The following ETV6 variants were observed in gnomAD, a reference collection of about 807,000 sequenced individuals.
ETV6 encodes ETS variant transcription factor 6.
Under a neutral mutation model 51.1 loss-of-function variants are expected in ETV6, and 16 were observed. That is an observed-to-expected ratio of 0.31 (90% CI 0.21 to 0.48). The LOEUF is 0.48. ETV6 is among the 20% of genes least tolerant of loss of function. The pLI, the probability that ETV6 is intolerant of heterozygous loss-of-function variation, is 0.99. For missense variants in ETV6, 458 were observed against 594.8 expected (o/e 0.77, Z 2.39); for synonymous variants, 240 against 224.1 (o/e 1.07, Z -0.64).
rs562472158 is a variant in ETV6 at position 11,666,251 on chromosome 12, C to G, written c.33+16091C>G. Among the ~76,000 whole-genome samples the G allele has an allele frequency of 2.6e-5, 4 of 152,288 alleles. No individual in the cohort carries two copies. In the East Asian group the frequency reaches 7.7e-4, roughly 29 times the overall value. On this transcript the variant is annotated intron_variant, in intron 1 of 7. Coordinates refer to ENST00000396373, the MANE Select transcript of ETV6 (RefSeq NM_001987.5). Reference sequence around the variant, plus strand: ...CCTTTCCATGTCAAGGGAAGAATCCCTCTCTTACTTGAGTCAGCTCTTTCC... The same window carrying G: ...CCTTTCCATGTCAAGGGAAGAATCCGTCTCTTACTTGAGTCAGCTCTTTCC...
rs535114808 is a variant in ETV6 at position 11,687,283 on chromosome 12, C to T, written c.33+37123C>T. Among the ~76,000 whole-genome samples the T allele has an allele frequency of 4.9e-3, 701 of 142,422 alleles. 7 individuals are homozygous for T. The highest frequency in any genetic ancestry group is 0.017 in the African/African-American group (652 of 38,668). 93.4% of individuals were successfully genotyped at this position (142,422 alleles called of 152,430 possible). A position where few individuals can be genotyped will look rare whatever the true frequency, so the allele number is the denominator to read the frequency against. ...CCCCACGCCCCCCACCAGGTTCAAACGATTCTCCTGCTTCAGCCTCCCAAG... is the reference window on the plus strand; with the variant it reads ...CCCCACGCCCCCCACCAGGTTCAAATGATTCTCCTGCTTCAGCCTCCCAAG... On this transcript the variant is annotated intron_variant, in intron 1 of 7. Transcript: ENST00000396373.
intron 1 of ETV6, among the ~76,000 whole-genome samples, chr12:11,747,342 A>G (rs756980692): frequency 6.6e-6 from 1 of 152,202 alleles, no homozygotes; most frequent in Non-Finnish European, 1.5e-5. Context: ...GGACACCAAG[A>G]AGAAAGCCAG....
intron 1 of ETV6, among the ~76,000 whole-genome samples, chr12:11,747,945 A>G (rs1339917917): frequency 1.3e-5 from 2 of 152,224 alleles, no homozygotes; most frequent in Non-Finnish European, 2.9e-5. Context: ...ATAGCTTCCC[A>G]TAGGAGAGGT....
At chr12:11,681,014 G>A (rs774444037) in intron 1 of ETV6, among the ~76,000 whole-genome samples, 1 of 152,146 alleles carries the variant, frequency 6.6e-6, no homozygotes, top group Non-Finnish European at 1.5e-5. Context: ...TCAAAGCCTG[G>A]TCGACATTTT....
In ETV6 at chr12:11,894,213, A is replaced by G. The variant is rs1250747165; in HGVS notation, c.*3167A>G. ...ACCCGGCGTGACTCATTTCAACACT[A>G]AGTACTAGGGGTGTTGTCAGGAGAC... On this transcript the variant is annotated 3_prime_UTR_variant, in exon 8 of 8. Transcript: ENST00000396373. 3 of 231,316 alleles carry G rather than the reference A, an allele frequency of 1.3e-5. No individual in the cohort carries two copies. The South Asian group carries it at 5.4e-4, about 42-fold the overall frequency. 14.3% of individuals were successfully genotyped at this position (231,316 alleles called of 1,614,324 possible). A position where few individuals can be genotyped will look rare whatever the true frequency, so the allele number is the denominator to read the frequency against.
intron 1 of ETV6, among the ~76,000 whole-genome samples, chr12:11,666,506 C>T (rs986941421): frequency 6.6e-6 from 1 of 152,144 alleles, no homozygotes. Flanking sequence ...TTAAAGAGGG[C>T]AGTCTTAAGA....
chr12:11,817,918 A>T (rs1480056544), intron 2 of ETV6, among the ~76,000 whole-genome samples: 2 of 152,242 alleles, frequency 1.3e-5, no homozygotes, highest in Non-Finnish European at 2.9e-5. Flanking sequence ...CATTTTTAGA[A>T]GGAGGCTTCC....
chr12:11,808,531 G>A (rs1404648942), intron 2 of ETV6, among the ~76,000 whole-genome samples: 2 of 151,908 alleles, frequency 1.3e-5, no homozygotes, highest in East Asian at 3.9e-4. Context: ...CATTTACATT[G>A]TATTCGTTAC....
intron 1 of ETV6, among the ~76,000 whole-genome samples, chr12:11,673,124 C>T (rs1397178762): frequency 2.6e-5 from 4 of 152,110 alleles, no homozygotes; most frequent in African/African-American, 4.8e-5. Flanking sequence ...GCAGGGCTCT[C>T]GCAGCGGGCC....
At chr12:11,679,488 A>G (rs1276720361) in intron 1 of ETV6, among the ~76,000 whole-genome samples, 1 of 152,172 alleles carries the variant, frequency 6.6e-6, no homozygotes, top group African/African-American at 2.4e-5. Flanking sequence ...TTCTCTTTTC[A>G]TCCGTTCCAT....
intron 5 of ETV6, among the ~76,000 whole-genome samples, chr12:11,870,777 A>G (rs1946869626): frequency 6.6e-6 from 1 of 152,186 alleles, no homozygotes. Context: ...TTCCCCAAGG[A>G]ATTTAGAATA....
intron 4 of ETV6, among the ~76,000 whole-genome samples, chr12:11,868,562 C>T (rs927446476): frequency 6.6e-6 from 1 of 151,428 alleles, no homozygotes; most frequent in African/African-American, 2.4e-5. Context: ...CTCAGCCTCC[C>T]GAGTAACTGG....
intron 1 of ETV6, among the ~76,000 whole-genome samples, chr12:11,666,974 C>CA (rs1864206814): frequency 6.6e-6 from 1 of 152,182 alleles, no homozygotes. Context: ...AGGGCTTGTG[C>CA]AGTAGGTTGA....
intron 2 of ETV6, among the ~76,000 whole-genome samples, chr12:11,818,418 T>C (rs1406972139): frequency 6.6e-6 from 1 of 151,690 alleles, no homozygotes; most frequent in Non-Finnish European, 1.5e-5. Context: ...ATCCCAGCTA[T>C]GCAGGAAGTT....
chr12:11,792,145 T>C (rs2710281), intron 2 of ETV6, among the ~76,000 whole-genome samples: 89,611 of 152,066 alleles, frequency 0.59, 26,320 homozygotes, highest in East Asian at 0.64. Flanking sequence ...CAAGGCACTA[T>C]GCTGGGCCCT....
rs187725861 is a variant in ETV6, at chr12:11,888,109, T to G, written c.1253+2083T>G. Among the ~76,000 whole-genome samples the G allele has an allele frequency of 2.5e-3, 379 of 152,326 alleles. 1 individual carries two copies. The highest frequency in any genetic ancestry group is 8.7e-3 in the African/African-American group (361 of 41,572). On this transcript the variant is annotated intron_variant, in intron 7 of 7. Coordinates refer to ENST00000396373, the MANE Select transcript of ETV6 (RefSeq NM_001987.5). The stretch of plus-strand genomic sequence containing the variant: ...TGGACTTCATGATTCACATCGGGAT[T>G]CACTCAACAACGTCTTTCTGTCTCT...
chr12:11,706,686 C>T (rs1865078350), intron 1 of ETV6, among the ~76,000 whole-genome samples: 1 of 152,222 alleles, frequency 6.6e-6, no homozygotes, highest in African/African-American at 2.4e-5. Flanking sequence ...AGAGCACTGG[C>T]TTGCATCATA....
chr12:11,878,724 C>T (rs1197183349), intron 5 of ETV6, among the ~76,000 whole-genome samples: 1 of 151,060 alleles, frequency 6.6e-6, no homozygotes, highest in Non-Finnish European at 1.5e-5. Flanking sequence ...AGCAATTGCC[C>T]ATTGTAAACA....
chr12:11,684,871 C>A (rs552203467), intron 1 of ETV6, among the ~76,000 whole-genome samples: 9 of 152,102 alleles, frequency 5.9e-5, no homozygotes, highest in African/African-American at 1.9e-4. Context: ...AATATTCTAA[C>A]GTGAGGAAAC....
Sources: gnomAD v4.1 joint callset for allele counts (sites outside exome capture counted in the v4.1 genomes callset) on GRCh38, gnomAD v4.1.1 for gene constraint, MANE v1.5 for transcripts, NCBI Gene and HGNC (gene_info 2026-07-23, HGNC 2026-07-21) for gene names.